The following POMT2 variants were observed in gnomAD, a reference collection of about 807,000 sequenced individuals.
POMT2 encodes protein O-mannosyltransferase 2, also known as protein O-mannosyl-transferase 2.
POMT2 carries 75 observed loss-of-function variants against 100.0 expected under a neutral mutation model. The ratio of observed to expected loss-of-function variants is 0.75; its 90% confidence interval spans 0.62 to 0.91. The LOEUF (loss-of-function observed/expected upper bound fraction) is 0.91. Among genes scored for constraint, POMT2 ranks in the 40% least tolerant of loss-of-function variants. The pLI is 0.00. For missense variants in POMT2, 940 were observed against 955.1 expected (o/e 0.98, Z 0.21); for synonymous variants, 378 against 374.1 (o/e 1.01, Z -0.12).
intron 18 of POMT2, chr14:77,279,462 G>C: frequency 2.1e-6 from 1 of 478,282 alleles, no homozygotes; most frequent in South Asian, 1.6e-5. Context: ...GGGCAGCTCT[G>C]TACACAGCAT....
At chr14:77,282,835 G>C (rs753296535) in intron 15 of POMT2, among the ~76,000 whole-genome samples, 3 of 152,158 alleles carry the variant, frequency 2.0e-5, no homozygotes, top group African/African-American at 7.2e-5. Flanking sequence ...GCTTACCAGG[G>C]GAAAAATAAC....
chr14:77,294,895 T>C (rs1890769412), intron 9 of POMT2, among the ~76,000 whole-genome samples: 1 of 152,208 alleles, frequency 6.6e-6, no homozygotes, highest in South Asian at 2.1e-4. Context: ...AGACAACTTT[T>C]TGCAAAGAAC....
intron 2 of POMT2, chr14:77,306,710 G>A (rs1891242658): frequency 2.6e-6 from 1 of 389,322 alleles, no homozygotes; most frequent in Non-Finnish European, 4.9e-6. Context: ...AGGAAAAAGA[G>A]CCCCACAATT....
intron 10 of POMT2, among the ~76,000 whole-genome samples, chr14:77,290,901 C>T (rs1566650480): frequency 6.6e-6 from 1 of 152,194 alleles, no homozygotes; most frequent in Non-Finnish European, 1.5e-5. Flanking sequence ...CTTATCAAGA[C>T]GACTTAAGCT....
chr14:77,300,869 C>G (rs1254959820), intron 6 of POMT2: 10 of 633,778 alleles, frequency 1.6e-5, no homozygotes, highest in Non-Finnish European at 2.6e-5. Flanking sequence ...AAAGAGACTT[C>G]CAAGAATGTT....
At chr14:77,288,564 T>C (rs1487966824) in intron 11 of POMT2, among the ~76,000 whole-genome samples, 198 bp downstream of exon 11, 2 of 152,066 alleles carry the variant, frequency 1.3e-5, no homozygotes, top group Non-Finnish European at 2.9e-5. Flanking sequence ...AAATGGGAAA[T>C]TGAAAGGTCC....
intron 9 of POMT2, among the ~76,000 whole-genome samples, chr14:77,295,542 G>A (rs1165533986): frequency 1.3e-5 from 2 of 149,938 alleles, no homozygotes; most frequent in African/African-American, 4.9e-5. Flanking sequence ...TGAGGCAGGA[G>A]AATGGCGTGA....
chr14:77,320,766 C>T lies in POMT2; in HGVS notation c.-85G>A. On this transcript the variant is annotated 5_prime_UTR_variant, in exon 1 of 21. Transcript: ENST00000261534. Reference sequence around the variant, plus strand: ...CCGCCAAGGAGTCACAAGAGGGCAGCTCGGGGTACCCCGGGAAATGCAACG... The same window carrying T: ...CCGCCAAGGAGTCACAAGAGGGCAGTTCGGGGTACCCCGGGAAATGCAACG... 6.6e-7 allele frequency: 1 copy of T among 1,518,966 alleles called. No homozygotes were observed. The highest frequency in any genetic ancestry group is 2.1e-5 in the Admixed American group (1 of 47,150). The allele number at this position is 1,518,966 out of a possible 1,614,324, so 94.1% of individuals were successfully genotyped here. A position where few individuals can be genotyped will look rare whatever the true frequency, so the allele number is the denominator to read the frequency against.
At chr14:77,317,082 T>G (rs1429308228) in intron 1 of POMT2, among the ~76,000 whole-genome samples, 3 of 151,962 alleles carry the variant, frequency 2.0e-5, no homozygotes, top group Non-Finnish European at 4.4e-5. Context: ...TGGAAACATC[T>G]ACCATCATGG....
intron 5 of POMT2, 98 bp from the exon 6 acceptor site, chr14:77,301,347 G>C (rs1891034330): frequency 6.0e-6 from 9 of 1,500,310 alleles, no homozygotes; most frequent in Non-Finnish European, 8.3e-6. Flanking sequence ...TGGAGCGGCT[G>C]TGCTGTGCCC....
intron 2 of POMT2, among the ~76,000 whole-genome samples, chr14:77,308,396 C>T (rs968269507): frequency 1.4e-5 from 2 of 140,764 alleles, no homozygotes; most frequent in African/African-American, 5.3e-5. Flanking sequence ...GCTCTTGTCA[C>T]CCAGGCTAGA....
chr14:77,283,633 G>A (rs1251786454), intron 15 of POMT2, among the ~76,000 whole-genome samples, 164 bp downstream of exon 15: 3 of 152,304 alleles, frequency 2.0e-5, no homozygotes, highest in Non-Finnish European at 4.4e-5. Context: ...CTCATTCTGT[G>A]GTGAGGGAAA....
intron 7 of POMT2, 66 bp from the exon 8 acceptor site, chr14:77,298,837 G>A (rs762623039): frequency 9.6e-6 from 13 of 1,349,210 alleles, no homozygotes; most frequent in South Asian, 7.4e-5. Context: ...TCCCAGGAGC[G>A]CTGGGAAGAG....
At chr14:77,292,032 G>GA (rs935846937) in intron 9 of POMT2, among the ~76,000 whole-genome samples, 63 of 147,572 alleles carry the variant, frequency 4.3e-4, no homozygotes, top group Middle Eastern at 3.5e-3. Flanking sequence ...TCTATCTTGG[G>GA]AAAAAAAAAA....
chr14:77,291,246 A>G, intron 10 of POMT2, 68 bp downstream of exon 10: 1 of 1,462,996 alleles, frequency 6.8e-7, no homozygotes, highest in Admixed American at 1.8e-5. Context: ...TTTTGCAGGC[A>G]TGAGAAATCT....
intron 1 of POMT2, among the ~76,000 whole-genome samples, chr14:77,316,959 A>G (rs1204550650): frequency 6.6e-6 from 1 of 152,244 alleles, no homozygotes; most frequent in Non-Finnish European, 1.5e-5. Flanking sequence ...TCACTCACGT[A>G]GGTGCCCACA....
chr14:77,279,526 C>A (rs1457265182), intron 18 of POMT2: 2 of 550,992 alleles, frequency 3.6e-6, no homozygotes, highest in Non-Finnish European at 6.9e-6. Flanking sequence ...AGCCTCAGCT[C>A]TATCACTTAC....
chr14:77,318,383 T>C lies in POMT2; in HGVS notation c.248+2051A>G, dbSNP rs150105199. 1.6e-3 allele frequency among the ~76,000 whole-genome samples: 251 copies of C among 152,312 alleles called. 1 individual carries two copies. Among genetic ancestry groups the C allele is most frequent in the Non-Finnish European group, 2.9e-3 (194 of 68,036 alleles). ...CACATGGACACGGCCAGTCTTGAACTATTCCCACGTGCCTGATGACATCAA... is the reference window on the plus strand; with the variant it reads ...CACATGGACACGGCCAGTCTTGAACCATTCCCACGTGCCTGATGACATCAA... On this transcript the variant is annotated intron_variant, in intron 1 of 20. Transcript: ENST00000261534.
intron 6 of POMT2, chr14:77,299,793 CA>C: frequency 2.1e-6 from 1 of 482,932 alleles, no homozygotes; most frequent in East Asian, 4.1e-5. Flanking sequence ...GCTCTACACC[CA>C]AAACCCCAGG....
Sources: allele counts gnomAD v4.1 joint callset (sites outside exome capture counted in the v4.1 genomes callset), GRCh38; gene constraint gnomAD v4.1.1; transcripts MANE v1.5; gene names NCBI Gene and HGNC (gene_info 2026-07-23, HGNC 2026-07-21).